The following IRF8 variants were observed in gnomAD, a reference collection of about 807,000 sequenced individuals.
IRF8 encodes the protein interferon regulatory factor 8.
A neutral mutation model predicts 48.7 loss-of-function variants in IRF8; 14 were observed. That is an observed-to-expected ratio of 0.29 (90% CI 0.19 to 0.45). The LOEUF (loss-of-function observed/expected upper bound fraction) is 0.45. Ranked by LOEUF, IRF8 falls within the 20% of genes least tolerant of loss-of-function variation. IRF8 has a pLI of 1.00. For synonymous variants in IRF8, 278 were observed against 227.3 expected (o/e 1.22, Z -2.01); for missense variants, 493 against 580.7 (o/e 0.85, Z 1.55).
At chr16:85,914,420 C>T in intron 5 of IRF8, 53 bp from the exon 6 acceptor site, 1 of 1,611,162 alleles carries the variant, frequency 6.2e-7, no homozygotes, top group Non-Finnish European at 8.5e-7. Context: ...GGGGTTACTC[C>T]CTGTACACCA....
At chr16:85,913,441 G>A (rs1372214426) in intron 5 of IRF8, 3 of 597,668 alleles carry the variant, frequency 5.0e-6, no homozygotes, top group Non-Finnish European at 9.1e-6. Flanking sequence ...CCTGCTCTCC[G>A]CTGCTTCTCA....
rs950394593 is a variant in IRF8 at position 85,921,484 on chromosome 16, G to T, written c.*202G>T. On this transcript the variant is annotated 3_prime_UTR_variant, in exon 9 of 9. Coordinates refer to ENST00000268638, the MANE Select transcript of IRF8 (RefSeq NM_002163.4). ...TAGCCCTGCCGAGATGTCGGTGATG[G>T]CCTGGATGCTGTAACCACAACCTGT... 9 of 623,704 alleles carry T rather than the reference G, an allele frequency of 1.4e-5. No homozygotes were observed. The African/African-American group carries it at 1.7e-4, about 11-fold the overall frequency. The allele number at this position is 623,704 out of a possible 1,614,324, so 38.6% of individuals were successfully genotyped here.
At chr16:85,910,365 C>T (rs1024850702) in intron 3 of IRF8, among the ~76,000 whole-genome samples, 2 of 152,200 alleles carry the variant, frequency 1.3e-5, no homozygotes, top group African/African-American at 4.8e-5. Flanking sequence ...GTAAGGCCAA[C>T]AAACTGACCT....
intron 3 of IRF8, among the ~76,000 whole-genome samples, chr16:85,910,369 C>G (rs1905109499): frequency 6.6e-6 from 1 of 152,230 alleles, no homozygotes; most frequent in African/African-American, 2.4e-5. Flanking sequence ...GGCCAACAAA[C>G]TGACCTTCCC....
intron 1 of IRF8, chr16:85,902,796 T>TGGC (rs1904866429): frequency 9.9e-6 from 6 of 604,196 alleles, no homozygotes; most frequent in African/African-American, 7.4e-5. Context: ...TGGCTGCAGG[T>TGGC]TTCCCACGGA....
intron 6 of IRF8, among the ~76,000 whole-genome samples, chr16:85,917,163 G>C (rs144073359): frequency 1.3e-5 from 2 of 152,288 alleles, no homozygotes; most frequent in African/African-American, 4.8e-5. Flanking sequence ...GATGTGGTCA[G>C]CCTTGCACAA....
At chr16:85,920,039 C>G (rs1905486394) in intron 7 of IRF8, 70 bp from the exon 8 acceptor site, 1 of 1,125,158 alleles carries the variant, frequency 8.9e-7, no homozygotes, top group Non-Finnish European at 1.3e-6. Context: ...GATCCCCCAG[C>G]CCTGCTGCTG....
chr16:85,912,137 G>A (rs565518468), intron 4 of IRF8, among the ~76,000 whole-genome samples: 3 of 152,198 alleles, frequency 2.0e-5, no homozygotes, highest in East Asian at 3.8e-4. Flanking sequence ...ATTCCTTAAC[G>A]GATTGGAAAG....
intron 3 of IRF8, among the ~76,000 whole-genome samples, chr16:85,911,153 A>G (rs1013158701): frequency 1.3e-5 from 2 of 152,242 alleles, no homozygotes; most frequent in African/African-American, 4.8e-5. Flanking sequence ...CTGGCAATAC[A>G]AAAAAGACCC....
Position 85,921,467 on chromosome 16 carries a change from C to T in IRF8, c.*185C>T. ...AATACGAAGTGGCGGCATAGCCCTG[C>T]CGAGATGTCGGTGATGGCCTGGATG... is the stretch of plus-strand genomic sequence containing the variant. On this transcript the variant is annotated 3_prime_UTR_variant, in exon 9 of 9. Coordinates refer to ENST00000268638, the MANE Select transcript of IRF8 (RefSeq NM_002163.4). The T allele has an allele frequency of 1.5e-6, 1 of 676,208 alleles. No homozygotes were observed. The highest frequency in any genetic ancestry group is 2.6e-6 in the Non-Finnish European group (1 of 386,552). 41.9% of individuals were successfully genotyped at this position (676,208 alleles called of 1,614,324 possible). A position where few individuals can be genotyped will look rare whatever the true frequency, so the allele number is the denominator to read the frequency against.
intron 6 of IRF8, among the ~76,000 whole-genome samples, chr16:85,916,912 A>G (rs1444736773): frequency 7.9e-5 from 12 of 152,108 alleles, no homozygotes; most frequent in Admixed American, 7.2e-4. Context: ...GGGTGACCCT[A>G]TCTAGGATTC....
chr16:85,919,418 AT>A (rs1390339375), intron 7 of IRF8, among the ~76,000 whole-genome samples: 7 of 152,110 alleles, frequency 4.6e-5, no homozygotes, highest in Admixed American at 4.6e-4. Flanking sequence ...ACAGCCCGAG[AT>A]AGTGTCAGGT....
At chr16:85,905,712 G>A (rs987226685) in intron 2 of IRF8, among the ~76,000 whole-genome samples, 1 of 152,236 alleles carries the variant, frequency 6.6e-6, no homozygotes, top group Non-Finnish European at 1.5e-5. Context: ...GTTGGATGAA[G>A]TCAACCTCGG....
At position 85,913,144 on chromosome 16, in the gene IRF8, A is replaced by T. The variant is rs776013035; in HGVS notation, c.461A>T (p.Asp154Val). Reference protein sequence around the residue: ...DELIKEPSVDDYMGMIKRSPS... With the variant: ...DELIKEPSVDVYMGMIKRSPS... The stretch of plus-strand genomic sequence containing the variant: ...CTGACTGTGCAGCCTTCTGTGGACG[A>T]TTACATGGGGATGATCAAAAGGAGC... The change falls in exon 5 of 9, where the codon GAT (aspartate) becomes GTT (valine). Residue 154 changes from aspartate to valine, a missense_variant. Around this residue, in one of 3 missense-constraint regions of IRF8, gnomAD observed 408 missense variants for 449.6 expected, o/e 0.91. Transcript: ENST00000268638. 13 of 1,613,944 alleles carry T rather than the reference A, an allele frequency of 8.1e-6. No individual in the cohort carries two copies. Among genetic ancestry groups the T allele is most frequent in the Non-Finnish European group, 1.1e-5 (13 of 1,179,944 alleles).
intron 2 of IRF8, among the ~76,000 whole-genome samples, chr16:85,904,243 G>A (rs1904920081): frequency 6.6e-6 from 1 of 152,144 alleles, no homozygotes; most frequent in Admixed American, 6.5e-5. Context: ...TCTTGCATTT[G>A]GGGGCCAGAG....
chr16:85,909,297 T>C, intron 3 of IRF8, 124 bp downstream of exon 3: 1 of 774,924 alleles, frequency 1.3e-6, no homozygotes, highest in Non-Finnish European at 2.2e-6. Flanking sequence ...AACAAAGCAG[T>C]TCTCTCCTTC....
intron 2 of IRF8, among the ~76,000 whole-genome samples, chr16:85,904,721 G>C (rs926289915): frequency 6.6e-6 from 1 of 151,614 alleles, no homozygotes; most frequent in African/African-American, 2.4e-5. Context: ...CCCAGGTCAG[G>C]GAGCCTCAGC....
At chr16:85,904,438 C>A (rs1904926433) in intron 2 of IRF8, among the ~76,000 whole-genome samples, 1 of 152,180 alleles carries the variant, frequency 6.6e-6, no homozygotes, top group Admixed American at 6.5e-5. Flanking sequence ...GACAAAAGAT[C>A]ACACCTTAAC....
chr16:85,919,256 A>G (rs1905447828), intron 7 of IRF8, among the ~76,000 whole-genome samples: 1 of 152,134 alleles, frequency 6.6e-6, no homozygotes, highest in Admixed American at 6.5e-5. Context: ...AGTGCTCAGG[A>G]TGGCAGCTGC....
Sources: allele counts gnomAD v4.1 joint callset (sites outside exome capture counted in the v4.1 genomes callset), GRCh38; gene constraint gnomAD v4.1.1; regional missense constraint gnomAD v4.1.1; transcripts MANE v1.5; gene names NCBI Gene and HGNC (gene_info 2026-07-23, HGNC 2026-07-21).